The following INF2 variants were observed in gnomAD, a reference collection of about 807,000 sequenced individuals.
INF2 encodes inverted formin 2.
INF2 carries 43 observed loss-of-function variants against 123.5 expected under a neutral mutation model. The ratio of observed to expected loss-of-function variants is 0.35; its 90% CI spans 0.27 to 0.45. The LOEUF (loss-of-function observed/expected upper bound fraction) is 0.45. Among genes scored for constraint, INF2 ranks in the 20% least tolerant of loss-of-function variants. INF2 has a pLI of 1.00. For synonymous variants in INF2, 851 were observed against 745.0 expected, an observed-to-expected ratio of 1.14 and a Z score of -2.32; for missense variants, 1,453 against 1,682.7, an observed-to-expected ratio of 0.86 and a Z score of 2.39.
At chr14:104,696,042 G>C (rs923148034) in intron 1 of INF2, among the ~76,000 whole-genome samples, 5 of 152,158 alleles carry the variant, frequency 3.3e-5, no homozygotes, top group African/African-American at 9.7e-5. Flanking sequence ...GATTGGGCAG[G>C]TGTCCCGGTG....
intron 12 of INF2, 24 bp from the exon 13 acceptor site, chr14:104,710,064 G>C (rs1339368762): frequency 6.5e-7 from 1 of 1,537,134 alleles, no homozygotes. Context: ...GCAGGCCACT[G>C]ATCCCTGTCT....
Position 104,718,829 on chromosome 14 carries a change from C to T in INF2, c.*36C>T, listed in dbSNP as rs759929282. On this transcript the variant is annotated 3_prime_UTR_variant, in exon 23 of 23. Coordinates refer to ENST00000392634, the MANE Select transcript of INF2 (RefSeq NM_022489.4). The stretch of plus-strand genomic sequence containing the variant: ...CCAGGCCCAAGGCCAAGTGAGAGAG[C>T]CCAGGCCACAGGACATGCTGCCATT... 12 of 1,612,450 alleles carry T rather than the reference C, an allele frequency of 7.4e-6. No homozygotes were observed. In the East Asian group the frequency reaches 2.5e-4, roughly 33 times the overall value.
rs772368953 is a variant in INF2 at position 104,708,012 on chromosome 14, C to T, written c.1735+10C>T. The T allele has an allele frequency of 2.5e-6, 4 of 1,598,114 alleles. No individual in the cohort carries two copies. Among genetic ancestry groups the T allele is most frequent in the Middle Eastern group, 1.7e-4 (1 of 6,060 alleles). On this transcript the variant is annotated intron_variant, in intron 8 of 22. Transcript: ENST00000392634. Reference sequence around the variant, plus strand: ...TCCAACGTGGCACGTGGTGAGGGTCCCCAGACCCCCAAGGGAAGCTTCCCC... The same window carrying T: ...TCCAACGTGGCACGTGGTGAGGGTCTCCAGACCCCCAAGGGAAGCTTCCCC...
intron 17 of INF2, 38 bp downstream of exon 17, chr14:104,712,591 C>T (rs773817562): frequency 1.1e-5 from 18 of 1,611,954 alleles, no homozygotes; most frequent in Non-Finnish European, 1.4e-5. Flanking sequence ...GCGGGAGAGG[C>T]TGCCCTGATA....
In INF2 at chr14:104,707,718, G is replaced by C; in HGVS notation, c.1451G>C (p.Cys484Ser). The C allele has an allele frequency of 8.1e-7, 1 of 1,239,858 alleles. No individual in the cohort carries two copies. The highest frequency in any genetic ancestry group is 1.3e-5 in the South Asian group (1 of 77,764). 76.8% of individuals were successfully genotyped at this position (1,239,858 alleles called of 1,614,324 possible). The part of the protein sequence containing the change: ...PPLPPPLPGS[C>S]EFLPPPPPPL... ...CTACCACCACCCCTGCCAGGCTCCT[G>C]TGAGTTCCTGCCCCCACCACCTCCA... The change falls in exon 8 of 23, where the codon TGT (cysteine) becomes TCT (serine). Residue 484 changes from cysteine to serine, a missense_variant. Around this residue, in one of 8 missense-constraint regions of INF2, gnomAD observed 374 missense variants for 303.7 expected, o/e 1.23. Transcript: ENST00000392634.
intron 22 of INF2, among the ~76,000 whole-genome samples, chr14:104,716,460 AC>A (rs1263527852): frequency 6.6e-6 from 1 of 152,176 alleles, no homozygotes; most frequent in Non-Finnish European, 1.5e-5. Flanking sequence ...AGAGGCTGGA[AC>A]TTGGACTTGC....
At chr14:104,690,606 G>A (rs12147791) in intron 1 of INF2, 36,362 of 152,636 alleles carry the variant, frequency 0.24, 4,501 homozygotes, top group Non-Finnish European at 0.27. Context: ...CCCAGGAACC[G>A]GGCCAGAGGT....
In INF2 at chr14:104,719,530, A is replaced by G. The variant is rs1424849905; in HGVS notation, c.*737A>G. 6.6e-6 allele frequency: 1 copy of G among 152,148 alleles called. No homozygotes were observed. Among genetic ancestry groups the G allele is most frequent in the African/African-American group, 2.4e-5 (1 of 41,444 alleles). 9.4% of individuals were successfully genotyped at this position (152,148 alleles called of 1,614,324 possible). A position where few individuals can be genotyped will look rare whatever the true frequency, so the allele number is the denominator to read the frequency against. On this transcript the variant is annotated 3_prime_UTR_variant, in exon 23 of 23. Coordinates refer to ENST00000392634, the MANE Select transcript of INF2 (RefSeq NM_022489.4). ...ACTGCCCACCCAGCGAGGGCAGCCTACCCGAGCCTGCCCCCTGCCAGGTGT... is the reference window on the plus strand; with the variant it reads ...ACTGCCCACCCAGCGAGGGCAGCCTGCCCGAGCCTGCCCCCTGCCAGGTGT...
intron 1 of INF2, among the ~76,000 whole-genome samples, chr14:104,697,890 G>T (rs953561100): frequency 3.3e-5 from 5 of 152,214 alleles, no homozygotes; most frequent in African/African-American, 7.2e-5. Flanking sequence ...GGACTGCCGG[G>T]GGGGGTGGAT....
At chr14:104,703,640 T>TG (rs1262868899) in intron 4 of INF2, among the ~76,000 whole-genome samples, 186 bp downstream of exon 4, 1 of 152,176 alleles carries the variant, frequency 6.6e-6, no homozygotes, top group Non-Finnish European at 1.5e-5. Context: ...TCAGAACGCC[T>TG]GGGGGTCAAC....
chr14:104,715,703 T>C (rs1472480032), intron 22 of INF2: 2 of 534,914 alleles, frequency 3.7e-6, no homozygotes, highest in African/African-American at 1.9e-5. Flanking sequence ...CTGAGGTTGC[T>C]CCTGTCTGGT....
In INF2 at chr14:104,708,706, C is replaced by T; in HGVS notation, c.1923C>T (p.Leu641=). 1.2e-6 allele frequency: 2 copies of T among 1,613,126 alleles called. No homozygotes were observed. Among genetic ancestry groups the T allele is most frequent in the Non-Finnish European group, 1.7e-6 (2 of 1,179,856 alleles). The change falls in exon 10 of 23, where the codon CTC becomes CTT. Residue 641 remains leucine (L), a synonymous_variant. Coordinates refer to ENST00000392634, the MANE Select transcript of INF2 (RefSeq NM_022489.4). ...TFLDAKKSLN[L]NIFLKQFKCS... ...TCGATGCCAAGAAGAGCCTGAACCT[C>T]AACATCTTCCTGAAGCAATTTAAGT... is the stretch of plus-strand genomic sequence containing the variant.
intron 5 of INF2, 24 bp downstream of exon 5, chr14:104,703,973 T>G (rs1475657029): frequency 1.9e-6 from 3 of 1,608,248 alleles, no homozygotes; most frequent in African/African-American, 2.7e-5. Flanking sequence ...GTAGCGGTCC[T>G]GCCGGCTCCC....
intron 22 of INF2, chr14:104,715,969 C>T (rs144319891): frequency 2.0e-5 from 9 of 455,886 alleles, no homozygotes; most frequent in South Asian, 1.1e-4. Context: ...GATTACCCCC[C>T]GCACACCGAG....
rs1889932909 is a variant in INF2, at chr14:104,709,373, A to T, written c.2042A>T (p.Glu681Val). 6.2e-7 allele frequency: 1 copy of T among 1,612,356 alleles called. No individual in the cohort carries two copies. Among genetic ancestry groups the T allele is most frequent in the African/African-American group, 1.3e-5 (1 of 74,904 alleles). ...VLKQLLKLLP[E>V]KHEIENLRAF... The stretch of plus-strand genomic sequence containing the variant: ...AAACAACTCCTTAAGCTCCTTCCCG[A>T]GAAGCACGAGGTAAGAGGACCACCC... Residue 681 changes from glutamate to valine, a missense_variant, in exon 11 of 23, where the codon GAG (glutamate) becomes GTG (valine). Glu to Val is a moderately radical substitution (Grantham distance 121). Around this residue, in one of 8 missense-constraint regions of INF2, gnomAD observed 192 missense variants for 274.4 expected, o/e 0.70. Coordinates refer to ENST00000392634, the MANE Select transcript of INF2 (RefSeq NM_022489.4).
chr14:104,712,159 G>A (rs1890081114), intron 16 of INF2, among the ~76,000 whole-genome samples: 1 of 152,136 alleles, frequency 6.6e-6, no homozygotes, highest in Non-Finnish European at 1.5e-5. Context: ...GGCTCCACCT[G>A]CCCTGGAAGG....
chr14:104,703,136 G>A lies in INF2; in HGVS notation c.423G>A (p.Lys141=). The change falls in exon 3 of 23, where the codon AAG becomes AAA. Residue 141 remains lysine (K), a synonymous_variant. Coordinates refer to ENST00000392634, the MANE Select transcript of INF2 (RefSeq NM_022489.4). ...ALDTSNVMVK[K]QVFELLAALC... ...ACACATCCAACGTGATGGTGAAGAA[G>A]CAGGTGTTTGAGCTACTGGCTGCCC... 6.2e-7 allele frequency: 1 copy of A among 1,613,710 alleles called. No homozygotes were observed. Among genetic ancestry groups the A allele is most frequent in the Non-Finnish European group, 8.5e-7 (1 of 1,179,940 alleles).
chr14:104,699,781 CAGA>C lies in INF2; in HGVS notation c.-9-1568_-9-1566del, dbSNP rs1889385033. On this transcript the variant is annotated intron_variant, in intron 1 of 22. Transcript: ENST00000392634. The surrounding 1 kb of genome is among the most constrained non-coding windows in gnomAD (Gnocchi z 4.7). Reference sequence around the variant, plus strand: ...TCCTGGCAGCCTGGTGCTGGAGGTGCAGAAGAAGAAACTGAGGCCCAGGCAGGA... The same window carrying C: ...TCCTGGCAGCCTGGTGCTGGAGGTGCAGAAGAAACTGAGGCCCAGGCAGGA... Among the ~76,000 whole-genome samples, 1 of 152,150 alleles carries C rather than the reference CAGA, an allele frequency of 6.6e-6. No individual in the cohort carries two copies. The highest frequency in any genetic ancestry group is 1.5e-5 in the Non-Finnish European group (1 of 68,022).
chr14:104,686,559 T>C (rs1347708275), upstream of INF2, among the ~76,000 whole-genome samples: 1 of 152,098 alleles, frequency 6.6e-6, no homozygotes, highest in Non-Finnish European at 1.5e-5. Flanking sequence ...TGAGCAGGCA[T>C]GTTTTCACTT....
Sources: allele counts gnomAD v4.1 joint callset (sites outside exome capture counted in the v4.1 genomes callset), GRCh38; gene constraint gnomAD v4.1.1; regional missense constraint gnomAD v4.1.1; non-coding constraint Gnocchi (gnomAD v3.1); transcripts MANE v1.5; gene names NCBI Gene and HGNC (gene_info 2026-07-23, HGNC 2026-07-21).